TNRC6B: variants seen among roughly 807,000 people sequenced by gnomAD.
TNRC6B encodes trinucleotide repeat-containing gene 6B protein.
TNRC6B carries 52 observed loss-of-function variants against 203.6 expected under a neutral mutation model. That is an observed-to-expected ratio of 0.26 (90% CI 0.20 to 0.32). TNRC6B has a LOEUF of 0.32. TNRC6B is among the 10% of genes least tolerant of loss of function. The probability of loss-of-function intolerance (pLI) is 1.00; values close to 1 mark genes in which losing one functional copy is unlikely to be tolerated. For synonymous variants in TNRC6B, 838 were observed against 845.7 expected, an observed-to-expected ratio of 0.99 and a Z score of 0.16; for missense variants, 1,923 against 2,286.2, an observed-to-expected ratio of 0.84 and a Z score of 3.24.
rs1169573827 is a variant in TNRC6B, at chr22:40,151,966, G to A, written c.46-4149G>A. 2.0e-5 allele frequency among the ~76,000 whole-genome samples: 3 copies of A among 151,856 alleles called. No homozygotes were observed. In the East Asian group the frequency reaches 5.8e-4, roughly 29 times the overall value. On this transcript the variant is annotated intron_variant, in intron 3 of 23. Coordinates refer to the TNRC6B transcript ENST00000301923. ...AGGAGAGAACAGAAGTTGGAAGGGA[G>A]GAAACTGTCAAATAAGTAGAGAAAA...
chr22:40,177,117 A>T (rs2069070483), upstream of TNRC6B, among the ~76,000 whole-genome samples: 1 of 152,138 alleles, frequency 6.6e-6, no homozygotes, highest in Non-Finnish European at 1.5e-5. Flanking sequence ...TGTATATGCG[A>T]AGGAGAAGGG....
At chr22:40,156,824 A>G (rs573544847) in intron 4 of TNRC6B, among the ~76,000 whole-genome samples, 4 of 148,878 alleles carry the variant, frequency 2.7e-5, no homozygotes, top group African/African-American at 7.4e-5. Flanking sequence ...CAGTGGTGCA[A>G]TCTGGGCTCA....
intron 1 of TNRC6B, among the ~76,000 whole-genome samples, chr22:40,093,039 G>C (rs775005907): frequency 6.6e-6 from 1 of 152,136 alleles, no homozygotes; most frequent in Non-Finnish European, 1.5e-5. Flanking sequence ...ATTTGAAAAA[G>C]AACCATTTCA....
At chr22:40,131,601 G>C (rs542029380) in intron 3 of TNRC6B, among the ~76,000 whole-genome samples, 1 of 152,210 alleles carries the variant, frequency 6.6e-6, no homozygotes, top group Non-Finnish European at 1.5e-5. Context: ...GAACTGTGTT[G>C]GGTGTTGATA....
At chr22:40,045,841 A>G (rs2067683352) in intron 1 of TNRC6B, among the ~76,000 whole-genome samples, 1 of 152,230 alleles carries the variant, frequency 6.6e-6, no homozygotes, top group Admixed American at 6.5e-5. Context: ...GGACCAGCTT[A>G]TTCTGAATTC....
intron 3 of TNRC6B, among the ~76,000 whole-genome samples, chr22:40,148,135 A>G (rs1437040088): frequency 6.6e-6 from 1 of 152,216 alleles, no homozygotes; most frequent in Admixed American, 6.5e-5. Flanking sequence ...GATGTTCAAC[A>G]TGAGTGCAGT....
intron 1 of TNRC6B, among the ~76,000 whole-genome samples, chr22:40,094,761 G>A (rs1268893688): frequency 6.6e-6 from 1 of 152,192 alleles, no homozygotes; most frequent in Non-Finnish European, 1.5e-5. Context: ...GAACATGTTT[G>A]ATAAACAGAA....
At chr22:40,170,304 ATATATATTT>A (rs1283710394) in intron 4 of TNRC6B, among the ~76,000 whole-genome samples, 90 of 114,486 alleles carry the variant, frequency 7.9e-4, no homozygotes, top group African/African-American at 3.1e-3. Flanking sequence ...TATATATATA[ATATATATTT>A]TATATATATT....
intron 1 of TNRC6B, among the ~76,000 whole-genome samples, chr22:40,182,060 T>C (rs1403593253): frequency 6.6e-6 from 1 of 151,230 alleles, no homozygotes; most frequent in Non-Finnish European, 1.5e-5. Flanking sequence ...CTGGACAATA[T>C]GGTGAACCCT....
chr22:40,176,333 G>C (rs951933541), upstream of TNRC6B, among the ~76,000 whole-genome samples: 1 of 151,972 alleles, frequency 6.6e-6, no homozygotes, highest in Non-Finnish European at 1.5e-5. Flanking sequence ...CTCCATGCTG[G>C]TCAGGCTGGT....
intron 1 of TNRC6B, among the ~76,000 whole-genome samples, chr22:40,072,358 A>G (rs2067957789): frequency 6.6e-6 from 1 of 152,210 alleles, no homozygotes; most frequent in Non-Finnish European, 1.5e-5. Context: ...CAAGGTAAGC[A>G]TGTGGGCAGT....
chr22:40,052,860 T>C (rs1450446685), intron 1 of TNRC6B, among the ~76,000 whole-genome samples: 1 of 152,218 alleles, frequency 6.6e-6, no homozygotes, highest in African/African-American at 2.4e-5. Context: ...GTAGGCAGTG[T>C]GTAAATGTTT....
chr22:40,076,079 ATTATT>A (rs2068010468), intron 1 of TNRC6B, among the ~76,000 whole-genome samples: 1 of 152,120 alleles, frequency 6.6e-6, no homozygotes, highest in Non-Finnish European at 1.5e-5. Context: ...TCCCATCCGT[ATTATT>A]TTATTTAGCC....
intron 12 of TNRC6B, among the ~76,000 whole-genome samples, chr22:40,295,169 C>G (rs1399804726): frequency 6.6e-6 from 1 of 152,094 alleles, no homozygotes; most frequent in Non-Finnish European, 1.5e-5. Flanking sequence ...TGTTTATAGA[C>G]TAGAAGAGTG....
chr22:40,205,219 A>C (rs577577969), intron 1 of TNRC6B, among the ~76,000 whole-genome samples: 2 of 152,354 alleles, frequency 1.3e-5, no homozygotes, highest in African/African-American at 4.8e-5. Context: ...TACCTCAAGC[A>C]CTTAGTAGAA....
At chr22:40,212,013 T>TA (rs2069571461) in intron 1 of TNRC6B, among the ~76,000 whole-genome samples, 2 of 152,242 alleles carry the variant, frequency 1.3e-5, no homozygotes, top group South Asian at 4.1e-4. Flanking sequence ...GTTGTCTAAT[T>TA]ACTTTGCTTA....
At chr22:40,192,277 G>A (rs1462064244) in intron 1 of TNRC6B, among the ~76,000 whole-genome samples, 1 of 152,230 alleles carries the variant, frequency 6.6e-6, no homozygotes, top group African/African-American at 2.4e-5. Context: ...GGCAGTCAAA[G>A]CAAGAGGGAC....
At chr22:40,322,660 G>T (rs2071349795) in intron 22 of TNRC6B, among the ~76,000 whole-genome samples, 194 bp from the exon 23 acceptor site, 1 of 152,196 alleles carries the variant, frequency 6.6e-6, no homozygotes, top group Non-Finnish European at 1.5e-5. Flanking sequence ...TTACCTGGCG[G>T]TCTGGTTGAA....
intron 4 of TNRC6B, among the ~76,000 whole-genome samples, chr22:40,160,365 A>G (rs1387768222): frequency 2.6e-5 from 4 of 151,732 alleles, no homozygotes; most frequent in Admixed American, 1.3e-4. Context: ...AATCCCAGCT[A>G]CTAGGGAGGC....
Sources: gnomAD v4.1 joint callset for allele counts (sites outside exome capture counted in the v4.1 genomes callset) on GRCh38, gnomAD v4.1.1 for gene constraint, MANE v1.5 for transcripts, NCBI Gene and HGNC (gene_info 2026-07-23, HGNC 2026-07-21) for gene names.